Variants in TOR1AIP2 observed in about 807,000 individuals in gnomAD.
The protein encoded by TOR1AIP2 is torsin 1A interacting protein 2, also known as torsin-1A-interacting protein 2.
In TOR1AIP2, 20 loss-of-function variants were observed where a neutral mutation model predicts 32.6. That is an observed-to-expected ratio of 0.61 (90% CI 0.43 to 0.89). TOR1AIP2 has a LOEUF of 0.89. Ranked by LOEUF, TOR1AIP2 falls within the 40% of genes least tolerant of loss-of-function variation. The pLI is 0.00. For missense variants in TOR1AIP2, 456 were observed against 553.8 expected (o/e 0.82, Z 1.77); for synonymous variants, 214 against 210.8 (o/e 1.02, Z -0.13).
chr1:179,855,761 G>GA (rs1323659636), intron 3 of TOR1AIP2, among the ~76,000 whole-genome samples: 1 of 152,108 alleles, frequency 6.6e-6, no homozygotes, highest in Non-Finnish European at 1.5e-5. Context: ...GAAAAAATTA[G>GA]AAAATCTAAA....
Position 179,844,484 on chromosome 1 carries a change from A to T in TOR1AIP2, c.*1587T>A, listed in dbSNP as rs1338362444. The T allele has an allele frequency of 1.3e-5, 2 of 152,224 alleles. No homozygotes were observed. Among genetic ancestry groups the T allele is most frequent in the Non-Finnish European group, 2.9e-5 (2 of 68,032 alleles). 9.4% of individuals were successfully genotyped at this position (152,224 alleles called of 1,614,324 possible). On this transcript the variant is annotated 3_prime_UTR_variant, in exon 7 of 7. Coordinates refer to ENST00000609928, the MANE Select transcript of TOR1AIP2 (RefSeq NM_001199260.2). ...GGCCAAAACCCAGTTGAAATAATCC[A>T]GGATTATGGTAATAGTCTATATAAT...
rs775886374 is a variant in TOR1AIP2 at position 179,851,097 on chromosome 1, G to A, written c.301C>T (p.His101Tyr). The change falls in exon 5 of 7, where the codon CAT becomes TAT. Residue 101 changes from histidine to tyrosine, a missense_variant. Physicochemically the swap from His to Tyr is moderately conservative, Grantham distance 83. Transcript: ENST00000609928. ...KQSFLDGGKG[H>Y]HLPSENLGKE... ...CCCAGATTTTCTGAAGGGAGGTGAT[G>A]CCCTTTTCCGCCATCCAGAAAACTC... is the stretch of plus-strand genomic sequence containing the variant. 1.7e-4 allele frequency: 271 copies of A among 1,614,088 alleles called. No individual in the cohort carries two copies. The highest frequency in any genetic ancestry group is 2.2e-4 in the Non-Finnish European group (254 of 1,180,052).
intron 2 of TOR1AIP2, among the ~76,000 whole-genome samples, chr1:179,871,191 C>A (rs1407273461): frequency 6.6e-6 from 1 of 152,160 alleles, no homozygotes; most frequent in African/African-American, 2.4e-5. Flanking sequence ...TATTTTCAAA[C>A]CTCCTTCACT....
At chr1:179,851,408 A>T in intron 4 of TOR1AIP2, 45 bp from the exon 5 acceptor site, 1 of 1,383,552 alleles carries the variant, frequency 7.2e-7, no homozygotes, top group Admixed American at 2.8e-5. Flanking sequence ...AAAATTCCCC[A>T]TAAATTTATA....
intron 2 of TOR1AIP2, chr1:179,868,422 A>C (rs1696876507): frequency 6.6e-6 from 1 of 152,244 alleles, no homozygotes; most frequent in African/African-American, 2.4e-5. Context: ...GACAAAAATA[A>C]AATGTAACTT....
Position 179,852,660 on chromosome 1 carries a change from G to A in TOR1AIP2, c.6C>T (p.Ala2=), listed in dbSNP as rs774160953. The A allele has an allele frequency of 1.2e-5, 20 of 1,613,766 alleles. No homozygotes were observed. Among genetic ancestry groups the A allele is most frequent in the African/African-American group, 2.7e-5 (2 of 74,850 alleles). Reference sequence around the variant, plus strand: ...CTTGAGGTTCCCTAAGTCCACTGTCGGCCATGTTTGTGTTCTATCTCTTCA... The same window carrying A: ...CTTGAGGTTCCCTAAGTCCACTGTCAGCCATGTTTGTGTTCTATCTCTTCA... M[A]DSGLREPQED... The change falls in exon 4 of 7, where the codon GCC becomes GCT. Residue 2 remains alanine, a synonymous_variant. Coordinates refer to ENST00000609928, the MANE Select transcript of TOR1AIP2 (RefSeq NM_001199260.2).
At chr1:179,860,377 G>C in intron 3 of TOR1AIP2, 1 of 817,650 alleles carries the variant, frequency 1.2e-6, no homozygotes, top group Non-Finnish European at 1.5e-6. Context: ...AGCTACTTAG[G>C]GGGCTGAAGT....
intron 3 of TOR1AIP2, chr1:179,864,223 A>G: frequency 2.0e-6 from 2 of 985,508 alleles, no homozygotes; most frequent in Non-Finnish European, 2.4e-6. Context: ...GGATGGGCCA[A>G]ACAGGGCCAA....
At chr1:179,870,378 GAC>G (rs1346943289) in intron 2 of TOR1AIP2, among the ~76,000 whole-genome samples, 13 of 151,346 alleles carry the variant, frequency 8.6e-5, no homozygotes, top group African/African-American at 3.2e-4. Context: ...CAGCCTGGGG[GAC>G]AGAGTGAGAC....
intron 3 of TOR1AIP2, among the ~76,000 whole-genome samples, chr1:179,858,733 C>T (rs917665859): frequency 6.6e-6 from 1 of 152,166 alleles, no homozygotes; most frequent in Non-Finnish European, 1.5e-5. Flanking sequence ...CACGGAAAAG[C>T]TGCCTGTGAG....
In TOR1AIP2 at chr1:179,845,877, G is replaced by T; in HGVS notation, c.*194C>A. The T allele has an allele frequency of 1.8e-6, 1 of 549,812 alleles. No homozygotes were observed. The highest frequency in any genetic ancestry group is 3.0e-6 in the Non-Finnish European group (1 of 332,678). 34.1% of individuals were successfully genotyped at this position (549,812 alleles called of 1,614,324 possible). On this transcript the variant is annotated 3_prime_UTR_variant, in exon 7 of 7. Coordinates refer to ENST00000609928, the MANE Select transcript of TOR1AIP2 (RefSeq NM_001199260.2). ...AGAAAAAAAGTCAGGTTAATTTTTA[G>T]CTTTGTCAAGGCTTAGATTAGAAAG... is the stretch of plus-strand genomic sequence containing the variant.
intron 3 of TOR1AIP2, among the ~76,000 whole-genome samples, chr1:179,857,755 C>A (rs1696360609): frequency 6.6e-6 from 1 of 152,090 alleles, no homozygotes; most frequent in Non-Finnish European, 1.5e-5. Context: ...ATGGCTCATG[C>A]ATGTAAGCCA....
At chr1:179,874,284 T>A (rs1472441384) in intron 2 of TOR1AIP2, 2 of 152,212 alleles carry the variant, frequency 1.3e-5, no homozygotes, top group South Asian at 4.1e-4. Flanking sequence ...TGTGGCAGTG[T>A]GTGCCTGCAG....
intron 3 of TOR1AIP2, chr1:179,859,868 C>T (rs1696451413): frequency 1.0e-6 from 1 of 980,254 alleles, no homozygotes; most frequent in Non-Finnish European, 1.2e-6. Flanking sequence ...TACTCTGTTG[C>T]CCAGGCTGGA....
intron 3 of TOR1AIP2, among the ~76,000 whole-genome samples, chr1:179,855,201 C>A (rs1055399231): frequency 2.6e-5 from 4 of 152,016 alleles, no homozygotes; most frequent in Admixed American, 1.3e-4. Context: ...ATAAGATATA[C>A]AATACACAAA....
At chr1:179,857,323 T>G (rs1472521134) in intron 3 of TOR1AIP2, among the ~76,000 whole-genome samples, 1 of 152,242 alleles carries the variant, frequency 6.6e-6, no homozygotes, top group Non-Finnish European at 1.5e-5. Flanking sequence ...AAAACTTGTA[T>G]CATTTTGCTT....
Position 179,866,643 on chromosome 1 carries a change from G to C in TOR1AIP2, c.-565-789C>G, listed in dbSNP as rs149097546. Reference sequence around the variant, plus strand: ...TGGTCTCGAACTCCCGACCTCAGGTGATCCGCCCACCTTGGTTTCCCAAAG... The same window carrying C: ...TGGTCTCGAACTCCCGACCTCAGGTCATCCGCCCACCTTGGTTTCCCAAAG... On this transcript the variant is annotated intron_variant, in intron 2 of 6. Coordinates refer to ENST00000609928, the MANE Select transcript of TOR1AIP2 (RefSeq NM_001199260.2). 4.0e-3 allele frequency among the ~76,000 whole-genome samples: 604 copies of C among 152,286 alleles called. 4 individuals carry two copies. Among genetic ancestry groups the C allele is most frequent in the African/African-American group, 0.014 (562 of 41,552 alleles).
At chr1:179,861,299 T>A in intron 3 of TOR1AIP2, 3 of 984,908 alleles carry the variant, frequency 3.0e-6, no homozygotes, top group Non-Finnish European at 3.6e-6. Context: ...ATATCAACTA[T>A]GGAGTATTCT....
chr1:179,877,176 C>T (rs1647390951), intron 2 of TOR1AIP2, 63 bp downstream of exon 2: 1 of 152,056 alleles, frequency 6.6e-6, no homozygotes. Context: ...CATCTTAACC[C>T]ATTTAATATT....
Sources: allele counts gnomAD v4.1 joint callset (sites outside exome capture counted in the v4.1 genomes callset), GRCh38; gene constraint gnomAD v4.1.1; transcripts MANE v1.5; gene names NCBI Gene and HGNC (gene_info 2026-07-23, HGNC 2026-07-21).